The following PSG5 variants were observed in gnomAD, a reference collection of about 807,000 sequenced individuals.
The protein encoded by PSG5 is pregnancy specific beta-1-glycoprotein 5, also known as pregnancy-specific beta-1-glycoprotein 5.
A neutral mutation model predicts 37.7 loss-of-function variants in PSG5; 53 were observed. The ratio of observed to expected loss-of-function variants is 1.41; its 90% CI spans 1.13 to 1.77. PSG5 has a LOEUF of 1.77. PSG5 is among the 40% of genes most tolerant of loss of function. The pLI, the probability that PSG5 is intolerant of heterozygous loss-of-function variation, is 0.00. For missense variants in PSG5, 547 were observed against 405.2 expected (o/e 1.35, Z -3.00); for synonymous variants, 221 against 155.4 (o/e 1.42, Z -3.14).
At position 43,167,879 on chromosome 19, in the gene PSG5, C is replaced by G. The variant is rs531618549; in HGVS notation, c.*365G>C. The G allele has an allele frequency of 2.1e-4, 76 of 353,966 alleles. No individual in the cohort carries two copies. The South Asian group carries it at 2.7e-3, about 13-fold the overall frequency. 21.9% of individuals were successfully genotyped at this position (353,966 alleles called of 1,614,324 possible). A position where few individuals can be genotyped will look rare whatever the true frequency, so the allele number is the denominator to read the frequency against. On this transcript the variant is annotated 3_prime_UTR_variant, in exon 6 of 6. Transcript: ENST00000342951. ...ACAAAAGTATACTTTACCAATTGCT[C>G]AAGAAAAAAAGTTCATAAATCTGGA...
chr19:43,185,657 C>A (rs1176030183), intron 1 of PSG5, among the ~76,000 whole-genome samples: 1 of 151,584 alleles, frequency 6.6e-6, no homozygotes, highest in African/African-American at 2.4e-5. Flanking sequence ...CTTTTGTGAT[C>A]TTGGTTGCAC....
chr19:43,177,807 G>A (rs1969042995), intron 2 of PSG5, among the ~76,000 whole-genome samples: 1 of 151,390 alleles, frequency 6.6e-6, no homozygotes, highest in Non-Finnish European at 1.5e-5. Flanking sequence ...ACTTGCTTTG[G>A]GTAGTATTGT....
chr19:43,168,593 C>G (rs544982070), intron 5 of PSG5, among the ~76,000 whole-genome samples: 2 of 151,576 alleles, frequency 1.3e-5, no homozygotes, highest in East Asian at 1.9e-4. Flanking sequence ...AGGATGGTCT[C>G]GATCTCCTGA....
At chr19:43,179,289 T>C in intron 2 of PSG5, 1 of 1,280,274 alleles carries the variant, frequency 7.8e-7, no homozygotes, top group South Asian at 1.4e-5. Context: ...CAGGTGTGTG[T>C]GTTACAAGAC....
At chr19:43,182,426 T>C (rs1969147637) in intron 2 of PSG5, among the ~76,000 whole-genome samples, 1 of 151,628 alleles carries the variant, frequency 6.6e-6, no homozygotes, top group Non-Finnish European at 1.5e-5. Flanking sequence ...CCGGCTGACC[T>C]CATTCATACC....
intron 4 of PSG5, 90 bp from the exon 5 acceptor site, chr19:43,170,228 C>G (rs1470243483): frequency 7.9e-6 from 9 of 1,139,428 alleles, no homozygotes; most frequent in Middle Eastern, 2.1e-4. Flanking sequence ...ATGAGGTACT[C>G]TATAATTGTT....
rs549322480 is a variant in PSG5 at position 43,180,770 on chromosome 19, C to T, written c.430+4012G>A. 1.3e-3 allele frequency among the ~76,000 whole-genome samples: 200 copies of T among 148,176 alleles called. 3 individuals are homozygous for T. Among genetic ancestry groups the T allele is most frequent in the Middle Eastern group, 3.5e-3 (1 of 288 alleles). On this transcript the variant is annotated intron_variant, in intron 2 of 5. Transcript: ENST00000342951. ...GGATCACATTATGCTCAAAGAAAGA[C>T]GCCAAAGGTGATTTGAAATTAGCAG...
At position 43,186,516 on chromosome 19, in the gene PSG5, T is replaced by C. The variant is rs12609363; in HGVS notation, c.-111A>G. 0.12 allele frequency: 175,744 copies of C among 1,510,386 alleles called. 14,498 individuals are homozygous for C. Among genetic ancestry groups the C allele is most frequent in the East Asian group, 0.39 (16,658 of 43,192 alleles). 93.6% of individuals were successfully genotyped at this position (1,510,386 alleles called of 1,614,324 possible). The stretch of plus-strand genomic sequence containing the variant: ...TTCCTCCTTCTGTGCTGAGCCTCTC[T>C]CCAGGGCAGGAGCACTTCTCAGGCT... On this transcript the variant is annotated 5_prime_UTR_variant, in exon 1 of 6. Transcript: ENST00000342951.
intron 4 of PSG5, among the ~76,000 whole-genome samples, chr19:43,173,396 T>C (rs1568548548): frequency 1.3e-5 from 2 of 151,570 alleles, no homozygotes; most frequent in African/African-American, 4.9e-5. Context: ...TCAAAGAACA[T>C]TATCAAGAAA....
At chr19:43,180,718 G>A (rs1296947698) in intron 2 of PSG5, 1 of 151,550 alleles carries the variant, frequency 6.6e-6, no homozygotes, top group Non-Finnish European at 1.5e-5. Context: ...ACCAAAATAA[G>A]GTTTAGGTGT....
intron 2 of PSG5, chr19:43,179,241 C>G (rs1460999058): frequency 7.0e-7 from 1 of 1,423,206 alleles, no homozygotes; most frequent in Non-Finnish European, 9.7e-7. Flanking sequence ...TTGGCATTTC[C>G]CACCTGTCAG....
chr19:43,182,417 C>T (rs755162756), intron 2 of PSG5, among the ~76,000 whole-genome samples: 29 of 151,668 alleles, frequency 1.9e-4, no homozygotes, highest in Admixed American at 9.9e-4. Context: ...TTCTGGCAAC[C>T]GGCTGACCTC....
At chr19:43,170,462 T>C in intron 4 of PSG5, 2 of 443,870 alleles carry the variant, frequency 4.5e-6, no homozygotes. Flanking sequence ...TGGTTGCATC[T>C]TTTTCTCAGT....
intron 1 of PSG5, among the ~76,000 whole-genome samples, chr19:43,185,484 C>G (rs533525473): frequency 6.8e-6 from 1 of 147,628 alleles, no homozygotes; most frequent in South Asian, 2.2e-4. Context: ...CATCCTTAGA[C>G]TTCTTTCCTG....
rs767941172 is a variant in PSG5, at chr19:43,186,406, G to T, written c.-1C>A. The T allele has an allele frequency of 6.2e-7, 1 of 1,612,216 alleles. No homozygotes were observed. Among genetic ancestry groups the T allele is most frequent in the Non-Finnish European group, 8.5e-7 (1 of 1,178,934 alleles). ...AGGGAGGGGCTGAGAGGGGCCCCAT[G>T]GTCTCTGCGCCTGCGTGTTCTCCTC... On this transcript the variant is annotated 5_prime_UTR_variant, in exon 1 of 6. Coordinates refer to ENST00000342951, the MANE Select transcript of PSG5 (RefSeq NM_002781.4).
rs140327283 is a variant in PSG5 at position 43,176,015 on chromosome 19, C to T, written c.564G>A (p.Pro188=). 1,381 of 1,611,046 alleles carry T rather than the reference C, an allele frequency of 8.6e-4. 38 individuals carry two copies. The African/African-American group carries it at 0.017, about 20-fold the overall frequency. ...YIWWLNGQSL[P]VSPRVKRPIE... ...TGGGTCGCTTTACCCTGGGACTGAC[C>T]GGGAGGCTCTGACCATTTAGCCACC... is the stretch of plus-strand genomic sequence containing the variant. Residue 188 remains proline, a synonymous_variant, in exon 3 of 6, where the codon CCG becomes CCA. Coordinates refer to ENST00000342951, the MANE Select transcript of PSG5 (RefSeq NM_002781.4).
At chr19:43,183,412 A>C in intron 2 of PSG5, 1 of 528,174 alleles carries the variant, frequency 1.9e-6, no homozygotes, top group South Asian at 1.4e-5. Flanking sequence ...CCATTCCTTC[A>C]TTTGTTATGT....
At chr19:43,176,706 G>T (rs1969019338) in intron 2 of PSG5, among the ~76,000 whole-genome samples, 1 of 150,658 alleles carries the variant, frequency 6.6e-6, no homozygotes, top group Admixed American at 6.6e-5. Flanking sequence ...CTGGAGGTCA[G>T]TTCAGTCATC....
At chr19:43,178,394 G>C (rs1177486563) in intron 2 of PSG5, among the ~76,000 whole-genome samples, 1 of 151,796 alleles carries the variant, frequency 6.6e-6, no homozygotes, top group Non-Finnish European at 1.5e-5. Flanking sequence ...CAGTGGGTGA[G>C]AGTCTGTGAG....
Sources: gnomAD v4.1 joint callset for allele counts (sites outside exome capture counted in the v4.1 genomes callset) on GRCh38, gnomAD v4.1.1 for gene constraint, MANE v1.5 for transcripts, NCBI Gene and HGNC (gene_info 2026-07-23, HGNC 2026-07-21) for gene names.